Variants in RNF220 observed in about 807,000 individuals in gnomAD.
The protein encoded by RNF220 is E3 ubiquitin-protein ligase RNF220.
Under a neutral mutation model 67.1 loss-of-function variants are expected in RNF220, and 7 were observed. The observed-to-expected ratio is 0.10, with a 90% CI of 0.06 to 0.20. The LOEUF is 0.20. Ranked by LOEUF, RNF220 falls within the 10% of genes least tolerant of loss-of-function variation. RNF220 has a pLI of 1.00. For missense variants in RNF220, 565 were observed against 740.3 expected (o/e 0.76, Z 2.75); for synonymous variants, 270 against 283.2 (o/e 0.95, Z 0.47).
intron 2 of RNF220, among the ~76,000 whole-genome samples, chr1:44,571,129 C>T (rs1664414486): frequency 6.6e-6 from 1 of 152,022 alleles, no homozygotes. Flanking sequence ...CTAACTTTTC[C>T]AGACCTTCCT....
At chr1:44,496,903 G>T (rs1157587228) in intron 2 of RNF220, among the ~76,000 whole-genome samples, 1 of 152,196 alleles carries the variant, frequency 6.6e-6, no homozygotes, top group Admixed American at 6.5e-5. Context: ...AGAGCTGCGG[G>T]CGGCACCTCC....
Position 44,436,182 on chromosome 1 carries a change from G to A in RNF220, c.625+23460G>A, listed in dbSNP as rs151071959. Among the ~76,000 whole-genome samples, 426 of 151,938 alleles carry A rather than the reference G, an allele frequency of 2.8e-3. 2 individuals carry two copies. Among genetic ancestry groups the A allele is most frequent in the Non-Finnish European group, 4.9e-3 (331 of 67,928 alleles). ...TGTCTTGTATCTAGTTAAATGCCTC[G>A]ATTAAGGATGTAATCATAGTTGTTT... On this transcript the variant is annotated intron_variant, in intron 2 of 14. Coordinates refer to ENST00000361799, the MANE Select transcript of RNF220 (RefSeq NM_018150.4).
chr1:44,440,798 G>A (rs1428323015), intron 2 of RNF220, among the ~76,000 whole-genome samples: 3 of 152,240 alleles, frequency 2.0e-5, no homozygotes, highest in African/African-American at 4.8e-5. Context: ...AATCATGGGT[G>A]AGCTTGGGAC....
At chr1:44,534,570 T>C (rs1229809339) in intron 2 of RNF220, among the ~76,000 whole-genome samples, 1 of 152,216 alleles carries the variant, frequency 6.6e-6, no homozygotes, top group African/African-American at 2.4e-5. Flanking sequence ...AGCATTGGCA[T>C]TTAATCTGGT....
chr1:44,405,313 A>T lies in RNF220; in HGVS notation c.-335A>T, dbSNP rs1047286298. 9 of 465,074 alleles carry T rather than the reference A, an allele frequency of 1.9e-5. No homozygotes were observed. Among genetic ancestry groups the T allele is most frequent in the Non-Finnish European group, 3.4e-5 (9 of 262,570 alleles). The allele number at this position is 465,074 out of a possible 1,614,324, so 28.8% of individuals were successfully genotyped here. A position where few individuals can be genotyped will look rare whatever the true frequency, so the allele number is the denominator to read the frequency against. ...ACTGCTCCTTCTCTCACGCCAACTGAGTCTCTTGATCTGTACATGCAATCC... is the reference window on the plus strand; with the variant it reads ...ACTGCTCCTTCTCTCACGCCAACTGTGTCTCTTGATCTGTACATGCAATCC... On this transcript the variant is annotated 5_prime_UTR_variant, in exon 1 of 15. Transcript: ENST00000361799.
intron 2 of RNF220, among the ~76,000 whole-genome samples, chr1:44,530,482 A>T (rs1205454448): frequency 6.6e-6 from 1 of 151,792 alleles, no homozygotes; most frequent in Admixed American, 6.6e-5. Context: ...CGCAATGCTG[A>T]TACACAAAAT....
chr1:44,484,070 T>TCTAC, intron 2 of RNF220, among the ~76,000 whole-genome samples: 1 of 152,202 alleles, frequency 6.6e-6, no homozygotes, highest in Non-Finnish European at 1.5e-5. Flanking sequence ...CTTCACAAGC[T>TCTAC]GTAGAGCCTC....
rs1327638893 is a variant in RNF220 at position 44,509,884 on chromosome 1, CCAAAAAAAAAA to C, written c.625+97163_625+97173del. Reference sequence around the variant, plus strand: ...CCTGGGTGACAGAGCGAGACCCTGTCCAAAAAAAAAAAAAAAAAAAAAGGAAGGAAGGAAAG... The same window carrying C: ...CCTGGGTGACAGAGCGAGACCCTGTCAAAAAAAAAAAGGAAGGAAGGAAAG... On this transcript the variant is annotated intron_variant, in intron 2 of 14. Coordinates refer to ENST00000361799, the MANE Select transcript of RNF220 (RefSeq NM_018150.4). Among the ~76,000 whole-genome samples, 538 of 80,406 alleles carry C rather than the reference CCAAAAAAAAAA, an allele frequency of 6.7e-3. 11 individuals are homozygous for C. The highest frequency in any genetic ancestry group is 0.024 in the African/African-American group (514 of 21,264). 52.7% of individuals were successfully genotyped at this position (80,406 alleles called of 152,430 possible).
chr1:44,644,926 C>G (rs1438920742), intron 9 of RNF220, 69 bp from the exon 10 acceptor site: 35 of 1,575,576 alleles, frequency 2.2e-5, no homozygotes, highest in Non-Finnish European at 3.0e-5. Context: ...GAGGGCCATG[C>G]TCTCCTGAGG....
intron 2 of RNF220, among the ~76,000 whole-genome samples, chr1:44,456,939 G>A (rs1272164064): frequency 1.3e-5 from 2 of 151,888 alleles, no homozygotes; most frequent in African/African-American, 4.8e-5. Flanking sequence ...CAGTGTCTTA[G>A]CACCCGCTGT....
intron 2 of RNF220, among the ~76,000 whole-genome samples, chr1:44,491,063 A>G (rs1465025793): frequency 3.9e-5 from 6 of 152,188 alleles, no homozygotes; most frequent in Non-Finnish European, 5.9e-5. Flanking sequence ...TAGACCTATA[A>G]CAATTAAGGA....
At chr1:44,583,945 C>T (rs1446290384) in intron 2 of RNF220, among the ~76,000 whole-genome samples, 1 of 152,230 alleles carries the variant, frequency 6.6e-6, no homozygotes, top group Non-Finnish European at 1.5e-5. Flanking sequence ...ATAATTACCA[C>T]CACTAACATT....
chr1:44,566,393 C>A (rs1175424762), intron 2 of RNF220, among the ~76,000 whole-genome samples: 2 of 152,156 alleles, frequency 1.3e-5, no homozygotes, highest in Admixed American at 6.5e-5. Flanking sequence ...AGTCCTCAGC[C>A]CCTCTCTGGC....
intron 2 of RNF220, among the ~76,000 whole-genome samples, chr1:44,441,533 G>T (rs1249673687): frequency 1.3e-5 from 2 of 152,220 alleles, no homozygotes; most frequent in African/African-American, 4.8e-5. Flanking sequence ...ATAGGGAGGA[G>T]GATGAGCCTT....
At chr1:44,524,532 T>C (rs925373556) in intron 2 of RNF220, among the ~76,000 whole-genome samples, 2 of 152,128 alleles carry the variant, frequency 1.3e-5, no homozygotes, top group African/African-American at 4.8e-5. Flanking sequence ...TTTGTAAAAG[T>C]TTTTTACATC....
intron 2 of RNF220, among the ~76,000 whole-genome samples, chr1:44,462,757 G>T (rs1249218480): frequency 6.7e-6 from 1 of 150,142 alleles, no homozygotes; most frequent in Non-Finnish European, 1.5e-5. Flanking sequence ...GGCCGGGCAC[G>T]GTGGCTCACG....
intron 2 of RNF220, among the ~76,000 whole-genome samples, chr1:44,517,679 A>G (rs1037434505): frequency 3.3e-5 from 5 of 152,246 alleles, no homozygotes; most frequent in Admixed American, 6.5e-5. Context: ...TCTGTCATCC[A>G]GAGTCATCAA....
intron 2 of RNF220, among the ~76,000 whole-genome samples, chr1:44,523,404 A>G (rs905856973): frequency 6.6e-6 from 1 of 152,134 alleles, no homozygotes; most frequent in African/African-American, 2.4e-5. Context: ...GCTGGCCTGA[A>G]CCCTAGTTGG....
At chr1:44,471,419 T>G (rs1654796528) in intron 2 of RNF220, among the ~76,000 whole-genome samples, 1 of 148,422 alleles carries the variant, frequency 6.7e-6, no homozygotes, top group Non-Finnish European at 1.5e-5. Flanking sequence ...AGAGCGAGAC[T>G]CCATCTCAAA....
Sources: gnomAD v4.1 joint callset for allele counts (sites outside exome capture counted in the v4.1 genomes callset) on GRCh38, gnomAD v4.1.1 for gene constraint, MANE v1.5 for transcripts, NCBI Gene and HGNC (gene_info 2026-07-23, HGNC 2026-07-21) for gene names.